Variants in RELN observed in about 807,000 individuals in gnomAD.
RELN encodes the protein reelin.
RELN carries 108 observed loss-of-function variants against 427.6 expected under a neutral mutation model. That is an observed-to-expected ratio of 0.25 (90% CI 0.22 to 0.30). RELN has a LOEUF of 0.30. RELN is among the 10% of genes least tolerant of loss of function. RELN has a pLI of 1.00. For missense variants in RELN, 3,715 were observed against 4,302.8 expected (o/e 0.86, Z 3.82); for synonymous variants, 1,524 against 1,513.4 (o/e 1.01, Z -0.16).
Position 103,616,661 on chromosome 7 carries a change from C to T in RELN, c.2703-4858G>A, listed in dbSNP as rs1021877678. Among the ~76,000 whole-genome samples the T allele has an allele frequency of 2.0e-5, 3 of 152,028 alleles. No homozygotes were observed. The South Asian group carries it at 6.2e-4, about 32-fold the overall frequency. ...CCAGACAGTTTTTCTCATGTGTACACACACATACTTTTTTTTAAAAAATTA... is the reference window on the plus strand; with the variant it reads ...CCAGACAGTTTTTCTCATGTGTACATACACATACTTTTTTTTAAAAAATTA... On this transcript the variant is annotated intron_variant, in intron 20 of 64. Coordinates refer to ENST00000428762, the MANE Select transcript of RELN (RefSeq NM_005045.4).
In RELN at chr7:103,705,704, A is replaced by G. The variant is rs1196807999; in HGVS notation, c.806-4698T>C. Reference sequence around the variant, plus strand: ...GAGGGGACAGGCTGCCAGGGTTACAATTTGAGCTTTGACACTTCTAAACTG... The same window carrying G: ...GAGGGGACAGGCTGCCAGGGTTACAGTTTGAGCTTTGACACTTCTAAACTG... On this transcript the variant is annotated intron_variant, in intron 8 of 64. Transcript: ENST00000428762. Among the ~76,000 whole-genome samples, 3 of 152,202 alleles carry G rather than the reference A, an allele frequency of 2.0e-5. No homozygotes were observed. The East Asian group carries it at 5.8e-4, about 29-fold the overall frequency.
chr7:103,507,442 T>C (rs952985883), intron 51 of RELN, among the ~76,000 whole-genome samples: 15 of 152,066 alleles, frequency 9.9e-5, no homozygotes, highest in African/African-American at 3.4e-4. Context: ...ACTGGGTACA[T>C]AACGAAATGA....
At chr7:103,813,899 T>G (rs1389054435) in intron 3 of RELN, among the ~76,000 whole-genome samples, 1 of 152,172 alleles carries the variant, frequency 6.6e-6, no homozygotes, top group Non-Finnish European at 1.5e-5. Flanking sequence ...ACCCAGAAGT[T>G]TTTCCTAAAA....
chr7:103,663,799 C>T (rs1404768170), intron 11 of RELN, among the ~76,000 whole-genome samples: 1 of 152,138 alleles, frequency 6.6e-6, no homozygotes, highest in African/African-American at 2.4e-5. Context: ...CTCTGTTGGC[C>T]TAGGTTCTAG....
intron 51 of RELN, among the ~76,000 whole-genome samples, chr7:103,504,031 C>T (rs923562740): frequency 1.3e-5 from 2 of 152,036 alleles, no homozygotes; most frequent in African/African-American, 2.4e-5. Context: ...TGGTGAAACC[C>T]TGTCTCTACT....
At chr7:103,653,029 T>G (rs867350193) in intron 13 of RELN, among the ~76,000 whole-genome samples, 1 of 152,022 alleles carries the variant, frequency 6.6e-6, no homozygotes, top group African/African-American at 2.4e-5. Context: ...TAAACTGATA[T>G]AAGGTCTTTA....
At chr7:103,484,723 C>T (rs533824500) in intron 61 of RELN, among the ~76,000 whole-genome samples, 1 of 152,224 alleles carries the variant, frequency 6.6e-6, no homozygotes, top group Admixed American at 6.5e-5. Context: ...TTTAGAACAC[C>T]TTCTATTCTC....
chr7:103,629,785 T>A (rs570134748), intron 20 of RELN, among the ~76,000 whole-genome samples, 155 bp downstream of exon 20: 1 of 152,224 alleles, frequency 6.6e-6, no homozygotes, highest in Non-Finnish European at 1.5e-5. Context: ...GTAGACATAC[T>A]TGTAACAACC....
chr7:103,861,847 G>T (rs1247869622), intron 2 of RELN, among the ~76,000 whole-genome samples: 4 of 152,186 alleles, frequency 2.6e-5, no homozygotes, highest in Non-Finnish European at 5.9e-5. Context: ...GTTTGGTGAT[G>T]AAGGAAAGCT....
intron 4 of RELN, among the ~76,000 whole-genome samples, chr7:103,762,656 G>A (rs2116138796): frequency 6.6e-6 from 1 of 152,282 alleles, no homozygotes; most frequent in South Asian, 2.1e-4. Flanking sequence ...ACATCAGCAA[G>A]CCAATATTAC....
chr7:103,960,519 C>T (rs998396470), intron 1 of RELN, among the ~76,000 whole-genome samples: 2 of 151,948 alleles, frequency 1.3e-5, no homozygotes, highest in Non-Finnish European at 2.9e-5. Flanking sequence ...CGTATTTTTT[C>T]TGACTGCCCT....
At chr7:103,630,327 G>C (rs891942624) in intron 19 of RELN, 151 bp from the exon 20 acceptor site, 4 of 639,246 alleles carry the variant, frequency 6.3e-6, no homozygotes, top group Non-Finnish European at 1.1e-5. Context: ...CCAGTTTCCT[G>C]TCTGTTTCCA....
At chr7:103,579,337 G>A (rs750023782) in intron 28 of RELN, among the ~76,000 whole-genome samples, 3 of 152,108 alleles carry the variant, frequency 2.0e-5, no homozygotes, top group Non-Finnish European at 4.4e-5. Flanking sequence ...AGTGGCTCAC[G>A]CCTGTAATCC....
At chr7:103,820,421 T>A (rs897682201) in intron 3 of RELN, among the ~76,000 whole-genome samples, 9 of 152,062 alleles carry the variant, frequency 5.9e-5, no homozygotes, top group Admixed American at 6.6e-5. Flanking sequence ...TTCCCATGGT[T>A]ACTTTTCAAT....
At chr7:103,531,054 G>A (rs1024766763) in intron 46 of RELN, among the ~76,000 whole-genome samples, 1 of 152,180 alleles carries the variant, frequency 6.6e-6, no homozygotes, top group Non-Finnish European at 1.5e-5. Context: ...GTTGAAGTCT[G>A]ATAATAAACC....
At chr7:103,869,175 C>T (rs1410163062) in intron 2 of RELN, among the ~76,000 whole-genome samples, 3 of 151,840 alleles carry the variant, frequency 2.0e-5, no homozygotes, top group Non-Finnish European at 2.9e-5. Context: ...GTAAGAAGTT[C>T]GAAGTGTGAA....
intron 12 of RELN, among the ~76,000 whole-genome samples, chr7:103,659,195 T>C (rs1074302): frequency 0.26 from 40,049 of 151,746 alleles, 5,619 homozygotes; most frequent in South Asian, 0.37. Context: ...CTTATACATA[T>C]ATTTCTTTTC....
At chr7:103,522,860 C>T (rs1319098035) in intron 47 of RELN, among the ~76,000 whole-genome samples, 1 of 152,208 alleles carries the variant, frequency 6.6e-6, no homozygotes, top group African/African-American at 2.4e-5. Flanking sequence ...CACCCCCACA[C>T]CTTCATTTAA....
chr7:103,707,162 C>T (rs1228282825), intron 8 of RELN, among the ~76,000 whole-genome samples: 1 of 151,908 alleles, frequency 6.6e-6, no homozygotes. Context: ...AAATTTATAC[C>T]CGTTTTTTCC....
Sources: allele counts gnomAD v4.1 joint callset (sites outside exome capture counted in the v4.1 genomes callset), GRCh38; gene constraint gnomAD v4.1.1; transcripts MANE v1.5; gene names NCBI Gene and HGNC (gene_info 2026-07-23, HGNC 2026-07-21).